Variants in CACNA2D3 observed in about 807,000 individuals in gnomAD.
The protein encoded by CACNA2D3 is calcium voltage-gated channel auxiliary subunit alpha2delta 3.
CACNA2D3 carries 60 observed loss-of-function variants against 160.6 expected under a neutral mutation model. That is an observed-to-expected ratio of 0.37 (90% CI 0.30 to 0.46). The LOEUF (loss-of-function observed/expected upper bound fraction) is 0.46. Ranked by LOEUF, CACNA2D3 falls within the 20% of genes least tolerant of loss-of-function variation. The probability of loss-of-function intolerance (pLI) is 1.00; values close to 1 mark genes in which losing one functional copy is unlikely to be tolerated. For synonymous variants in CACNA2D3, 558 were observed against 492.9 expected, an observed-to-expected ratio of 1.13 and a Z score of -1.75; for missense variants, 1,205 against 1,365.0, an observed-to-expected ratio of 0.88 and a Z score of 1.85.
intron 16 of CACNA2D3, among the ~76,000 whole-genome samples, chr3:54,844,651 G>A (rs1427195954): frequency 6.6e-6 from 1 of 152,134 alleles, no homozygotes; most frequent in Non-Finnish European, 1.5e-5. Context: ...CATTCTGGTA[G>A]GGGAGGCAGG....
chr3:54,741,456 C>A (rs978602752), intron 11 of CACNA2D3, among the ~76,000 whole-genome samples: 3 of 152,088 alleles, frequency 2.0e-5, no homozygotes, highest in Non-Finnish European at 2.9e-5. Context: ...GTGAGACTTA[C>A]AAAGATCAAG....
At chr3:54,183,094 T>A (rs1026945755) in intron 2 of CACNA2D3, among the ~76,000 whole-genome samples, 1 of 152,162 alleles carries the variant, frequency 6.6e-6, no homozygotes, top group African/African-American at 2.4e-5. Flanking sequence ...CCCAAAATAT[T>A]TTTCATGTTG....
chr3:54,926,600 C>T (rs921636867), intron 27 of CACNA2D3, among the ~76,000 whole-genome samples: 1 of 151,796 alleles, frequency 6.6e-6, no homozygotes, highest in Admixed American at 6.6e-5. Flanking sequence ...ATGTAATCAT[C>T]AATATGTCTC....
At chr3:54,771,471 C>T (rs1231674882) in intron 13 of CACNA2D3, among the ~76,000 whole-genome samples, 2 of 152,154 alleles carry the variant, frequency 1.3e-5, no homozygotes, top group Non-Finnish European at 2.9e-5. Flanking sequence ...CTTCTAAGCT[C>T]ATTCAGCTTG....
chr3:54,698,664 G>C (rs1700710038), intron 11 of CACNA2D3, among the ~76,000 whole-genome samples: 1 of 152,138 alleles, frequency 6.6e-6, no homozygotes, highest in Non-Finnish European at 1.5e-5. Flanking sequence ...GTACAAGTAA[G>C]CAGAATTCTT....
chr3:54,968,253 C>T (rs1245437612), intron 27 of CACNA2D3, among the ~76,000 whole-genome samples, 197 bp from the exon 28 acceptor site: 3 of 151,972 alleles, frequency 2.0e-5, no homozygotes, highest in African/African-American at 7.3e-5. Flanking sequence ...TGTTTTGTAT[C>T]GAGAGTTCTG....
chr3:54,432,597 T>G (rs1700005614), intron 4 of CACNA2D3, among the ~76,000 whole-genome samples: 1 of 152,182 alleles, frequency 6.6e-6, no homozygotes, highest in Non-Finnish European at 1.5e-5. Flanking sequence ...GTTGATGTGT[T>G]TCTCCCCACC....
At chr3:54,926,996 C>T (rs1309326243) in intron 27 of CACNA2D3, among the ~76,000 whole-genome samples, 1 of 152,132 alleles carries the variant, frequency 6.6e-6, no homozygotes, top group Non-Finnish European at 1.5e-5. Context: ...CAAAATATGA[C>T]AAACATCTGC....
chr3:54,726,285 T>C (rs1444734555), intron 11 of CACNA2D3, among the ~76,000 whole-genome samples: 2 of 152,152 alleles, frequency 1.3e-5, no homozygotes, highest in African/African-American at 4.8e-5. Flanking sequence ...TGGAAAAATA[T>C]TCCATGCTCA....
At chr3:54,678,736 A>C (rs1700288810) in intron 11 of CACNA2D3, among the ~76,000 whole-genome samples, 2 of 149,628 alleles carry the variant, frequency 1.3e-5, no homozygotes, top group Admixed American at 6.7e-5. Context: ...AAAAAAAAAA[A>C]AAAAAAAAAA....
chr3:54,132,803 C>T (rs1446708042), intron 2 of CACNA2D3, among the ~76,000 whole-genome samples: 3 of 152,048 alleles, frequency 2.0e-5, no homozygotes, highest in East Asian at 1.9e-4. Context: ...GGGTTTGAAT[C>T]GAGATGCTAC....
At chr3:54,943,002 C>T (rs969636344) in intron 27 of CACNA2D3, among the ~76,000 whole-genome samples, 5 of 151,562 alleles carry the variant, frequency 3.3e-5, no homozygotes, top group South Asian at 2.1e-4. Context: ...CCAGCCTGGG[C>T]GACAGAGCAA....
At chr3:54,878,944 G>A (rs1238951550) in intron 18 of CACNA2D3, 74 bp from the exon 19 acceptor site, 11 of 899,724 alleles carry the variant, frequency 1.2e-5, no homozygotes, top group Middle Eastern at 2.2e-4. Context: ...TCCACTGCAC[G>A]CTGAGGATGC....
intron 35 of CACNA2D3, among the ~76,000 whole-genome samples, chr3:55,033,875 A>AT (rs1161371793): frequency 7.9e-6 from 1 of 126,942 alleles, no homozygotes; most frequent in African/African-American, 2.9e-5. Context: ...TATATAATAT[A>AT]TATTACATAT....
intron 2 of CACNA2D3, among the ~76,000 whole-genome samples, chr3:54,235,816 C>T (rs1318812579): frequency 3.9e-5 from 6 of 152,192 alleles, no homozygotes; most frequent in Admixed American, 2.0e-4. Flanking sequence ...CTCCGGCTTC[C>T]GGGAGGTGTG....
intron 2 of CACNA2D3, 61 bp from the exon 3 acceptor site, chr3:54,320,381 A>G: frequency 1.3e-6 from 1 of 762,728 alleles, no homozygotes; most frequent in Non-Finnish European, 2.1e-6. Flanking sequence ...TGTGGTCTGA[A>G]ATCACAGCTG....
intron 2 of CACNA2D3, among the ~76,000 whole-genome samples, chr3:54,286,988 G>T (rs1703045754): frequency 6.6e-6 from 1 of 152,298 alleles, no homozygotes; most frequent in African/African-American, 2.4e-5. Flanking sequence ...AAATTGAAAA[G>T]ACCATCAAGG....
chr3:54,756,471 A>G (rs144924778), intron 12 of CACNA2D3, among the ~76,000 whole-genome samples: 4 of 152,302 alleles, frequency 2.6e-5, no homozygotes, highest in Non-Finnish European at 4.4e-5. Context: ...AGATTGTTAT[A>G]GTATGGAGGC....
chr3:54,758,025 A>G (rs1417828598), intron 12 of CACNA2D3, among the ~76,000 whole-genome samples: 4 of 152,236 alleles, frequency 2.6e-5, no homozygotes, highest in East Asian at 1.9e-4. Context: ...AAGGATTTCA[A>G]TGTGCCATAA....
Sources: allele counts gnomAD v4.1 joint callset (sites outside exome capture counted in the v4.1 genomes callset), GRCh38; gene constraint gnomAD v4.1.1; transcripts MANE v1.5; gene names NCBI Gene and HGNC (gene_info 2026-07-23, HGNC 2026-07-21).